Variants in HPCAL4 observed in about 807,000 individuals in gnomAD.
HPCAL4 encodes hippocalcin like 4, also known as hippocalcin-like protein 4.
Under a neutral mutation model 18.2 loss-of-function variants are expected in HPCAL4, and 16 were observed. That is an observed-to-expected ratio of 0.88 (90% CI 0.59 to 1.33). The LOEUF (loss-of-function observed/expected upper bound fraction) is 1.33. HPCAL4 is among the 40% of genes most tolerant of loss of function. The pLI is 0.00. For synonymous variants in HPCAL4, 80 were observed against 97.5 expected, an observed-to-expected ratio of 0.82 and a Z score of 1.06; for missense variants, 214 against 256.6, an observed-to-expected ratio of 0.83 and a Z score of 1.14.
rs1447029317 is a variant in HPCAL4, at chr1:39,681,968, A to C, written c.*568T>G. The C allele has an allele frequency of 6.5e-6, 1 of 154,324 alleles. No homozygotes were observed. Among genetic ancestry groups the C allele is most frequent in the Admixed American group, 6.4e-5 (1 of 15,570 alleles). 9.6% of individuals were successfully genotyped at this position (154,324 alleles called of 1,614,324 possible). On this transcript the variant is annotated 3_prime_UTR_variant, in exon 4 of 4. Transcript: ENST00000372844. ...ACAACCCTATGAGCTTCCAGAGGGCACAAGATGTGTCTTGTAAATGACCAT... is the reference window on the plus strand; with the variant it reads ...ACAACCCTATGAGCTTCCAGAGGGCCCAAGATGTGTCTTGTAAATGACCAT...
Position 39,684,021 on chromosome 1 carries a change from C to T in HPCAL4, c.294G>A (p.Glu98=). The change falls in exon 3 of 4, where the codon GAG becomes GAA. Residue 98 remains glutamate (E), a synonymous_variant. Coordinates refer to ENST00000372844, the MANE Select transcript of HPCAL4 (RefSeq NM_016257.4). The part of the protein sequence containing the change: ...ALSVTSRGSF[E]QKLNWAFEMY... Reference sequence around the variant, plus strand: ...TCTCAAAGGCCCAGTTGAGCTTCTGCTCGAAGCTGCCGCGGGAGGTGACCG... The same window carrying T: ...TCTCAAAGGCCCAGTTGAGCTTCTGTTCGAAGCTGCCGCGGGAGGTGACCG... 6.2e-7 allele frequency: 1 copy of T among 1,614,054 alleles called. No individual in the cohort carries two copies. Among genetic ancestry groups the T allele is most frequent in the African/African-American group, 1.3e-5 (1 of 75,052 alleles).
chr1:39,685,894 T>A (rs1379116886), intron 1 of HPCAL4, among the ~76,000 whole-genome samples: 65 of 56,346 alleles, frequency 1.2e-3, no homozygotes, highest in African/African-American at 4.2e-3. Context: ...AAAAAAAAAA[T>A]ATATTGGCCG....
chr1:39,688,123 A>C (rs975849317), intron 1 of HPCAL4, among the ~76,000 whole-genome samples: 2 of 152,138 alleles, frequency 1.3e-5, no homozygotes, highest in Non-Finnish European at 2.9e-5. Flanking sequence ...ACTCTTGTTC[A>C]GCACAGACCT....
intron 1 of HPCAL4, among the ~76,000 whole-genome samples, chr1:39,687,196 G>C (rs550451478): frequency 2.6e-5 from 4 of 152,224 alleles, no homozygotes; most frequent in East Asian, 1.9e-4. Context: ...AAGCCAGGGA[G>C]GGGGAGCATG....
intron 3 of HPCAL4, among the ~76,000 whole-genome samples, chr1:39,683,479 G>A (rs981979778): frequency 6.6e-6 from 1 of 152,222 alleles, no homozygotes; most frequent in African/African-American, 2.4e-5. Flanking sequence ...CTTATATAAA[G>A]TAACTTCTCC....
intron 2 of HPCAL4, 41 bp from the exon 3 acceptor site, chr1:39,684,193 G>T (rs749748015): frequency 8.4e-6 from 9 of 1,076,206 alleles, no homozygotes; most frequent in Non-Finnish European, 1.1e-5. Flanking sequence ...CGACAGCCCC[G>T]CCCACCCCGC....
intron 1 of HPCAL4, among the ~76,000 whole-genome samples, chr1:39,688,981 G>T (rs1392292893): frequency 6.6e-6 from 1 of 152,144 alleles, no homozygotes; most frequent in Non-Finnish European, 1.5e-5. Context: ...ACCTGGTGCT[G>T]TAGAATTCCA....
intron 3 of HPCAL4, among the ~76,000 whole-genome samples, chr1:39,683,279 C>A (rs1404351013): frequency 1.3e-5 from 2 of 152,212 alleles, no homozygotes; most frequent in Non-Finnish European, 2.9e-5. Context: ...GGGCTCCTGG[C>A]TCCCCGTATG....
At position 39,680,950 on chromosome 1, in the gene HPCAL4, C is replaced by G. The variant is rs1317360812; in HGVS notation, c.*1586G>C. ...CTCAGCAATCATTTCCTGCTCCCAC[C>G]CTGGGCTGACAGCACCTGTGTACTA... On this transcript the variant is annotated 3_prime_UTR_variant, in exon 4 of 4. Coordinates refer to ENST00000372844, the MANE Select transcript of HPCAL4 (RefSeq NM_016257.4). The G allele has an allele frequency of 2.0e-5, 3 of 152,646 alleles. No individual in the cohort carries two copies. Among genetic ancestry groups the G allele is most frequent in the African/African-American group, 7.2e-5 (3 of 41,446 alleles). The allele number at this position is 152,646 out of a possible 1,614,324, so 9.5% of individuals were successfully genotyped here.
intron 3 of HPCAL4, among the ~76,000 whole-genome samples, 197 bp from the exon 4 acceptor site, chr1:39,682,930 A>G (rs1357912970): frequency 6.6e-6 from 1 of 151,912 alleles, no homozygotes; most frequent in Non-Finnish European, 1.5e-5. Flanking sequence ...GTTGCCCAGG[A>G]TGGAGTGCAA....
rs754081103 is a variant in HPCAL4 at position 39,682,525 on chromosome 1, C to T, written c.*11G>A. ...CCCCTTCTGGCCAGGGACCCTGCCC[C>T]TCACCAGCTTCTACTTCTGCATGTC... On this transcript the variant is annotated 3_prime_UTR_variant, in exon 4 of 4. Coordinates refer to ENST00000372844, the MANE Select transcript of HPCAL4 (RefSeq NM_016257.4). The T allele has an allele frequency of 6.2e-7, 1 of 1,614,094 alleles. No homozygotes were observed. The highest frequency in any genetic ancestry group is 8.5e-7 in the Non-Finnish European group (1 of 1,179,978).
rs561396805 is a variant in HPCAL4, at chr1:39,689,807, AGCT to A, written c.-9+1496_-9+1498del. ...CCACACCCTCACCCAGCTTCAGAGG[AGCT>A]GGTACTGAGGTGGTTGCCATGGTGA... On this transcript the variant is annotated intron_variant, in intron 1 of 3. Coordinates refer to ENST00000372844, the MANE Select transcript of HPCAL4 (RefSeq NM_016257.4). Among the ~76,000 whole-genome samples the A allele has an allele frequency of 3.2e-4, 49 of 152,274 alleles. No individual in the cohort carries two copies. The South Asian group carries it at 7.9e-3, about 24-fold the overall frequency.
chr1:39,688,321 G>T (rs1646692166), intron 1 of HPCAL4, among the ~76,000 whole-genome samples: 2 of 152,160 alleles, frequency 1.3e-5, no homozygotes, highest in Non-Finnish European at 2.9e-5. Context: ...GACTGTCTCT[G>T]TTGCCCCTTC....
chr1:39,682,469 A>C lies in HPCAL4; in HGVS notation c.*67T>G. ...TGTCCCTCCTCCTGGGAGGCCAGCC[A>C]GAGAGGTCATCAGGTTGGGAGGTGG... On this transcript the variant is annotated 3_prime_UTR_variant, in exon 4 of 4. Coordinates refer to ENST00000372844, the MANE Select transcript of HPCAL4 (RefSeq NM_016257.4). 2.0e-6 allele frequency: 3 copies of C among 1,512,486 alleles called. No individual in the cohort carries two copies. Among genetic ancestry groups the C allele is most frequent in the Non-Finnish European group, 2.7e-6 (3 of 1,092,630 alleles). The allele number at this position is 1,512,486 out of a possible 1,614,324, so 93.7% of individuals were successfully genotyped here.
At chr1:39,685,214 C>A (rs1646663292) in intron 1 of HPCAL4, among the ~76,000 whole-genome samples, 1 of 152,208 alleles carries the variant, frequency 6.6e-6, no homozygotes, top group Non-Finnish European at 1.5e-5. Flanking sequence ...GGAGATGAAG[C>A]AGACATGAGC....
Position 39,684,614 on chromosome 1 carries a change from G to A in HPCAL4, c.-8-3C>T, listed in dbSNP as rs377398971. The A allele has an allele frequency of 2.8e-5, 45 of 1,581,484 alleles. No homozygotes were observed. The Middle Eastern group carries it at 7.0e-4, about 25-fold the overall frequency. ...GTTGGTCTTCCCCATGGCGGGGCCTGTGGGACAGAGGGATTCCTCCGACTG... is the reference window on the plus strand; with the variant it reads ...GTTGGTCTTCCCCATGGCGGGGCCTATGGGACAGAGGGATTCCTCCGACTG... On this transcript the variant is annotated splice_region_variant and splice_polypyrimidine_tract_variant and intron_variant, in intron 1 of 3. Transcript: ENST00000372844.
Position 39,682,316 on chromosome 1 carries a change from TG to T in HPCAL4, c.*219del, listed in dbSNP as rs1646632998. ...ACATTGGTTCTGGCCAAGTGGGAGG[TG>T]GGGCTAGAAGACAGGGTACTGGAGG... is the stretch of plus-strand genomic sequence containing the variant. On this transcript the variant is annotated 3_prime_UTR_variant, in exon 4 of 4. Transcript: ENST00000372844. The T allele has an allele frequency of 8.9e-6, 5 of 560,734 alleles. No homozygotes were observed. The highest frequency in any genetic ancestry group is 7.6e-5 in the African/African-American group (4 of 52,980). 34.7% of individuals were successfully genotyped at this position (560,734 alleles called of 1,614,324 possible). A position where few individuals can be genotyped will look rare whatever the true frequency, so the allele number is the denominator to read the frequency against.
intron 1 of HPCAL4, among the ~76,000 whole-genome samples, chr1:39,685,659 C>A (rs1342343371): frequency 6.6e-6 from 1 of 152,100 alleles, no homozygotes; most frequent in Non-Finnish European, 1.5e-5. Flanking sequence ...GTGGGTGGAT[C>A]ACGAAGTCAG....
At position 39,684,461 on chromosome 1, in the gene HPCAL4, A is replaced by G. The variant is rs1646657210; in HGVS notation, c.143T>C (p.Phe48Ser). 1 of 1,608,044 alleles carries G rather than the reference A, an allele frequency of 6.2e-7. No homozygotes were observed. Among genetic ancestry groups the G allele is most frequent in the Admixed American group, 1.7e-5 (1 of 58,860 alleles). Residue 48 changes from phenylalanine (F) to serine (S), a missense_variant, in exon 2 of 4, where the codon TTT becomes TCT. Phe to Ser is a radical substitution (Grantham distance 155). Transcript: ENST00000372844. ...GCCCACCTTGATGTAGAGCTGCTGAAACTCCTCCAGGTTGAGGATGCCGCT... is the reference window on the plus strand; with the variant it reads ...GCCCACCTTGATGTAGAGCTGCTGAGACTCCTCCAGGTTGAGGATGCCGCT... ...CPSGILNLEE[F>S]QQLYIKFFPY... is the part of the protein sequence containing the mutation.
Sources: gnomAD v4.1 joint callset for allele counts (sites outside exome capture counted in the v4.1 genomes callset) on GRCh38, gnomAD v4.1.1 for gene constraint, MANE v1.5 for transcripts, NCBI Gene and HGNC (gene_info 2026-07-23, HGNC 2026-07-21) for gene names.